NPEPPS: variants seen among roughly 807,000 people sequenced by gnomAD.
NPEPPS encodes aminopeptidase puromycin sensitive.
NPEPPS carries 14 observed loss-of-function variants against 115.5 expected under a neutral mutation model. That is an observed-to-expected ratio of 0.12 (90% confidence interval 0.08 to 0.19). The LOEUF is 0.19. Ranked by LOEUF, NPEPPS falls within the 10% of genes least tolerant of loss-of-function variation. The pLI, the probability that NPEPPS is intolerant of heterozygous loss-of-function variation, is 1.00. For missense variants in NPEPPS, 523 were observed against 1,110.8 expected, an observed-to-expected ratio of 0.47 and a Z score of 7.52; for synonymous variants, 285 against 390.6, an observed-to-expected ratio of 0.73 and a Z score of 3.19.
intron 9 of NPEPPS, among the ~76,000 whole-genome samples, chr17:47,589,632 T>A (rs117952616): frequency 2.6e-5 from 4 of 152,334 alleles, no homozygotes; most frequent in Admixed American, 6.5e-5. Context: ...CAAATTTTTT[T>A]AAAATTGATT....
At chr17:47,596,775 T>C (rs2143897456) in intron 13 of NPEPPS, among the ~76,000 whole-genome samples, 1 of 152,310 alleles carries the variant, frequency 6.6e-6, no homozygotes, top group South Asian at 2.1e-4. Context: ...AGGCCGGGCG[T>C]GGTGGCTCAC....
At chr17:47,601,824 T>C in intron 15 of NPEPPS, 77 bp downstream of exon 15, 4 of 1,439,754 alleles carry the variant, frequency 2.8e-6, no homozygotes, top group Non-Finnish European at 3.8e-6. Flanking sequence ...TGCTTCAGTT[T>C]AGTAGTTTCA....
At chr17:47,568,514 G>C (rs1597846677) in intron 2 of NPEPPS, among the ~76,000 whole-genome samples, 1 of 152,096 alleles carries the variant, frequency 6.6e-6, no homozygotes, top group Non-Finnish European at 1.5e-5. Context: ...GGACATAGTT[G>C]GAAGTTGGTC....
intron 3 of NPEPPS, among the ~76,000 whole-genome samples, chr17:47,570,648 C>G (rs973352371): frequency 1.1e-4 from 17 of 152,104 alleles, no homozygotes; most frequent in African/African-American, 3.9e-4. Flanking sequence ...AAATTATATA[C>G]AAATCAATTG....
chr17:47,544,501 CGTATTTAT>C (rs1427332430), intron 1 of NPEPPS, among the ~76,000 whole-genome samples: 8 of 137,222 alleles, frequency 5.8e-5, no homozygotes, highest in Non-Finnish European at 1.1e-4. Context: ...TGAAATTAAA[CGTATTTAT>C]TTATTTATTT....
upstream of NPEPPS, among the ~76,000 whole-genome samples, chr17:47,530,515 C>T (rs1157877611): frequency 4.0e-5 from 6 of 150,932 alleles, no homozygotes; most frequent in African/African-American, 1.5e-4. Context: ...CGCCACCACG[C>T]CCGGCTAATT....
rs1909177635 is a variant in NPEPPS at position 47,546,035 on chromosome 17, A to G, written c.340+42A>G. Reference sequence around the variant, plus strand: ...ATTTTAATTTGCTGTCTGCATGTGCATATGTGGGGTGTGTGTGTGTGTGTG... The same window carrying G: ...ATTTTAATTTGCTGTCTGCATGTGCGTATGTGGGGTGTGTGTGTGTGTGTG... On this transcript the variant is annotated intron_variant, in intron 2 of 22. Coordinates refer to ENST00000322157, the MANE Select transcript of NPEPPS (RefSeq NM_006310.4). The G allele has an allele frequency of 4.9e-6, 7 of 1,429,828 alleles. No individual in the cohort carries two copies. The East Asian group carries it at 1.1e-4, about 22-fold the overall frequency. 88.6% of individuals were successfully genotyped at this position (1,429,828 alleles called of 1,614,324 possible).
chr17:47,592,584 T>G (rs1474043271), intron 12 of NPEPPS, 39 bp downstream of exon 12: 2 of 1,516,552 alleles, frequency 1.3e-6, no homozygotes, highest in Non-Finnish European at 1.8e-6. Flanking sequence ...GGAGAGAAAG[T>G]ATTGTCACTC....
upstream of NPEPPS, among the ~76,000 whole-genome samples, chr17:47,530,802 T>C (rs549395115): frequency 3.9e-5 from 6 of 152,268 alleles, no homozygotes; most frequent in South Asian, 1.2e-3. Context: ...TGGTATTTTA[T>C]GCATGCGACC....
intron 2 of NPEPPS, 27 bp downstream of exon 2, chr17:47,546,020 G>C (rs757038695): frequency 6.6e-7 from 1 of 1,515,748 alleles, no homozygotes; most frequent in African/African-American, 1.4e-5. Context: ...ATTTTAATTT[G>C]CTGTCTGCAT....
intron 22 of NPEPPS, 194 bp downstream of exon 22, chr17:47,619,978 A>C: frequency 4.0e-6 from 2 of 500,166 alleles, no homozygotes; most frequent in Non-Finnish European, 7.2e-6. Flanking sequence ...CACATCTGTA[A>C]TCTCAGCACT....
chr17:47,584,212 CTCCA>C (rs1249646428), intron 5 of NPEPPS, among the ~76,000 whole-genome samples: 1 of 140,060 alleles, frequency 7.1e-6, no homozygotes, highest in African/African-American at 2.6e-5. Flanking sequence ...CAGAGCAAGA[CTCCA>C]TCTCGGGGGA....
intron 2 of NPEPPS, among the ~76,000 whole-genome samples, chr17:47,555,534 A>T (rs781320796): frequency 2.0e-5 from 3 of 151,188 alleles, no homozygotes; most frequent in Non-Finnish European, 4.4e-5. Context: ...TTTAGTAGAG[A>T]TGGAGTTTAT....
intron 14 of NPEPPS, among the ~76,000 whole-genome samples, chr17:47,600,887 G>T (rs1913154800): frequency 6.6e-6 from 1 of 152,118 alleles, no homozygotes; most frequent in African/African-American, 2.4e-5. Flanking sequence ...TTTCAGCAGT[G>T]TGTATACCTG....
At chr17:47,604,099 T>C (rs1913387459) in intron 16 of NPEPPS, 50 bp downstream of exon 16, 1 of 1,564,562 alleles carries the variant, frequency 6.4e-7, no homozygotes, top group African/African-American at 1.4e-5. Flanking sequence ...GATTAAAAGA[T>C]TCTGTTTTTC....
intron 12 of NPEPPS, among the ~76,000 whole-genome samples, chr17:47,593,350 C>G (rs1912634123): frequency 6.6e-6 from 1 of 152,074 alleles, no homozygotes; most frequent in Non-Finnish European, 1.5e-5. Flanking sequence ...CTGATTGAGC[C>G]CAGTTCAAGA....
chr17:47,623,010 C>T lies in NPEPPS; in HGVS notation c.*1090C>T. ...CTGTGTGTGCCACTGTTTGCTTCAA[C>T]AGTATATCCTAATAAGCCTCACCTA... On this transcript the variant is annotated 3_prime_UTR_variant, in exon 23 of 23. Coordinates refer to ENST00000322157, the MANE Select transcript of NPEPPS (RefSeq NM_006310.4). The T allele has an allele frequency of 2.5e-6, 1 of 403,910 alleles. No homozygotes were observed. 25.0% of individuals were successfully genotyped at this position (403,910 alleles called of 1,614,324 possible).
At chr17:47,529,530 T>G (rs1907578404), upstream of NPEPPS, among the ~76,000 whole-genome samples, 1 of 147,856 alleles carries the variant, frequency 6.8e-6, no homozygotes, top group East Asian at 2.0e-4. Context: ...TCAGCCTCCC[T>G]AGTAGCTGGG....
intron 8 of NPEPPS, chr17:47,586,759 G>A (rs574811576): frequency 4.3e-6 from 2 of 468,114 alleles, no homozygotes; most frequent in African/African-American, 2.0e-5. Context: ...AAACATGTGA[G>A]TTGAATAACT....
Sources: gnomAD v4.1 joint callset for allele counts (sites outside exome capture counted in the v4.1 genomes callset) on GRCh38, gnomAD v4.1.1 for gene constraint, MANE v1.5 for transcripts, NCBI Gene and HGNC (gene_info 2026-07-23, HGNC 2026-07-21) for gene names.